U2AF1L4: variants seen among roughly 807,000 people sequenced by gnomAD.
U2AF1L4 encodes the protein splicing factor U2AF 26 kDa subunit.
U2AF1L4 carries 21 observed loss-of-function variants against 21.7 expected under a neutral mutation model. That is an observed-to-expected ratio of 0.97 (90% confidence interval 0.69 to 1.39). The LOEUF is 1.39. Ranked by LOEUF, U2AF1L4 falls within the 40% of genes most tolerant of loss-of-function variation. U2AF1L4 has a pLI of 0.00. For missense variants in U2AF1L4, 259 were observed against 245.7 expected, an observed-to-expected ratio of 1.05 and a Z score of -0.36; for synonymous variants, 92 against 89.7, an observed-to-expected ratio of 1.03 and a Z score of -0.15.
At chr19:35,743,322 A>C (rs1175276843) in intron 5 of U2AF1L4, 3 of 260,088 alleles carry the variant, frequency 1.2e-5, no homozygotes, top group South Asian at 9.1e-5. Flanking sequence ...GCACTGAGCC[A>C]AGACTGCGCC....
At chr19:35,745,242 C>G (rs1270984675) in intron 1 of U2AF1L4, 30 bp from the exon 2 acceptor site, 1 of 1,611,136 alleles carries the variant, frequency 6.2e-7, no homozygotes, top group African/African-American at 1.3e-5. Flanking sequence ...AAAGGTGAAC[C>G]GAGGGCCGGG....
intron 5 of U2AF1L4, chr19:35,743,129 T>C (rs1466464664): frequency 2.7e-6 from 1 of 368,330 alleles, no homozygotes. Context: ...TCCCCACACT[T>C]TGGGAGGCCG....
intron 2 of U2AF1L4, chr19:35,744,760 C>T (rs750275236): frequency 1.3e-6 from 2 of 1,524,894 alleles, no homozygotes; most frequent in South Asian, 1.2e-5. Context: ...GAGAGTGAGG[C>T]ATGAAGGTTG....
rs2146501871 is a variant in U2AF1L4, at chr19:35,742,529, G to A, written c.*190C>T. ...TGCCAAACCACAGCAAAAGCAAGTT[G>A]ATGCCGAAGTGAAACACGCAGCTTT... On this transcript the variant is annotated 3_prime_UTR_variant, in exon 6 of 6. Coordinates refer to ENST00000378975, the MANE Select transcript of U2AF1L4 (RefSeq NM_001040425.3). The A allele has an allele frequency of 1.2e-6, 2 of 1,608,100 alleles. No homozygotes were observed. The highest frequency in any genetic ancestry group is 8.5e-7 in the Non-Finnish European group (1 of 1,177,972).
intron 5 of U2AF1L4, 50 bp from the exon 6 acceptor site, chr19:35,742,853 A>G (rs745695273): frequency 7.8e-6 from 12 of 1,544,894 alleles, no homozygotes; most frequent in Non-Finnish European, 1.1e-5. Context: ...GGAGTGGTGC[A>G]GAGATCCTGC....
chr19:35,745,277 GC>G (rs746598609), intron 1 of U2AF1L4, 65 bp from the exon 2 acceptor site: 9 of 1,597,438 alleles, frequency 5.6e-6, no homozygotes, highest in Non-Finnish European at 7.7e-6. Context: ...CAGAAACACC[GC>G]CCCACCACCC....
chr19:35,743,686 CAAAAAAAAA>C (rs36076889), intron 5 of U2AF1L4, 114 bp downstream of exon 5: 3 of 495,194 alleles, frequency 6.1e-6, no homozygotes, highest in African/African-American at 3.8e-5. Flanking sequence ...GGCTCCATCT[CAAAAAAAAA>C]AAAAAAAAAA....
At chr19:35,742,953 A>G (rs1970337435) in intron 5 of U2AF1L4, 150 bp from the exon 6 acceptor site, 2 of 743,776 alleles carry the variant, frequency 2.7e-6, no homozygotes, top group Admixed American at 5.5e-5. Flanking sequence ...TATCAGGGGA[A>G]CTCAGTGGCC....
Position 35,744,102 on chromosome 19 carries a change from C to T in U2AF1L4, c.275G>A (p.Ser92Asn), listed in dbSNP as rs753251602. ...EDGERAVAEL[S>N]NRWFNGQAVH... ...AGCCTGCCCGTTGAACCAGCGGTTACTGAGTTCAGCCACGGCCCGCTCTCC... is the reference window on the plus strand; with the variant it reads ...AGCCTGCCCGTTGAACCAGCGGTTATTGAGTTCAGCCACGGCCCGCTCTCC... The change falls in exon 4 of 6, where the codon AGT (serine) becomes AAT (asparagine). Residue 92 changes from serine to asparagine, a missense_variant. Coordinates refer to ENST00000378975, the MANE Select transcript of U2AF1L4 (RefSeq NM_001040425.3). 8.1e-6 allele frequency: 13 copies of T among 1,613,940 alleles called. No individual in the cohort carries two copies. In the Admixed American group the frequency reaches 1.7e-4, roughly 21 times the overall value.
intron 5 of U2AF1L4, 53 bp downstream of exon 5, chr19:35,743,756 G>C (rs1849657521): frequency 6.8e-7 from 1 of 1,476,016 alleles, no homozygotes; most frequent in African/African-American, 1.4e-5. Context: ...GCTCATCTGA[G>C]GATATAGGGG....
Position 35,743,849 on chromosome 19 carries a change from T to C in U2AF1L4, c.421A>G (p.Asn141Asp). 1 of 1,613,492 alleles carries C rather than the reference T, an allele frequency of 6.2e-7. No homozygotes were observed. Residue 141 changes from asparagine (N) to aspartate (D), a missense_variant, in exon 5 of 6, where the codon AAC (asparagine) becomes GAC (aspartate). Coordinates refer to ENST00000378975, the MANE Select transcript of U2AF1L4 (RefSeq NM_001040425.3). ...NFMHLRPISQNLQRQLYGRGP... is the reference protein window; with the variant it reads ...NFMHLRPISQDLQRQLYGRGP... ...CGCCCATAGAGCTGCCTCTGGAGGT[T>C]CTGGGAAATGGGCCGCAGATGCATG...
chr19:35,745,150 A>C lies in U2AF1L4; in HGVS notation c.107T>G (p.Leu36Arg), dbSNP rs1465002976. 2 of 1,613,570 alleles carry C rather than the reference A, an allele frequency of 1.2e-6. No homozygotes were observed. Among genetic ancestry groups the C allele is most frequent in the Non-Finnish European group, 1.7e-6 (2 of 1,180,002 alleles). The change falls in exon 2 of 6, where the codon CTT becomes CGT. Residue 36 changes from leucine (L) to arginine (R), a missense_variant. Leu to Arg is a moderately radical substitution (Grantham distance 102). Transcript: ENST00000378975. ...VCRHGDRCSR[L>R]HNKPTFSQEV... ...CTGGCTGAATGTCGGCTTGTTGTGA[A>C]GCCGGGAGCACCGGTCCCCGTGCCG...
At position 35,743,825 on chromosome 19, in the gene U2AF1L4, G is replaced by C. The variant is rs749707502; in HGVS notation, c.445C>G (p.Arg149Gly). The part of the protein sequence containing the change: ...SQNLQRQLYG[R>G]GPRRRSPPRF... ...CTGAGGTACCTGCGCCTGGGTCCCC[G>C]CCCATAGAGCTGCCTCTGGAGGTTC... The change falls in exon 5 of 6, where the codon CGG (arginine) becomes GGG (glycine). Residue 149 changes from arginine to glycine, a missense_variant. Transcript: ENST00000378975. The C allele has an allele frequency of 6.2e-7, 1 of 1,611,542 alleles. No individual in the cohort carries two copies. Among genetic ancestry groups the C allele is most frequent in the Non-Finnish European group, 8.5e-7 (1 of 1,179,006 alleles).
chr19:35,742,516 G>A, downstream of U2AF1L4: 1 of 1,599,402 alleles, frequency 6.3e-7, no homozygotes, highest in Non-Finnish European at 8.5e-7. Flanking sequence ...CCAAACCACA[G>A]CAAAAGCAAG....
At chr19:35,744,201 C>A in intron 3 of U2AF1L4, 56 bp from the exon 4 acceptor site, 1 of 1,607,046 alleles carries the variant, frequency 6.2e-7, no homozygotes, top group South Asian at 1.1e-5. Context: ...TCAGGGGACT[C>A]ACTACCCGCT....
intron 5 of U2AF1L4, 193 bp from the exon 6 acceptor site, chr19:35,742,996 G>C (rs561914208): frequency 1.6e-6 from 1 of 637,206 alleles, no homozygotes; most frequent in African/African-American, 1.8e-5. Context: ...GCTGGTCGTG[G>C]ATTAGGGGTT....
chr19:35,742,978 C>T (rs1387574387), intron 5 of U2AF1L4, 175 bp from the exon 6 acceptor site: 3 of 668,280 alleles, frequency 4.5e-6, no homozygotes, highest in Non-Finnish European at 7.7e-6. Context: ...TCAGGGGTGG[C>T]AATCCAGGCT....
chr19:35,744,672 C>T, intron 2 of U2AF1L4: 1 of 1,536,188 alleles, frequency 6.5e-7, no homozygotes, highest in Non-Finnish European at 8.7e-7. Context: ...GATTCCGGTA[C>T]AGGTTGAGCA....
In U2AF1L4 at chr19:35,745,333, A is replaced by C. The variant is rs775299740; in HGVS notation, c.44+15T>G. 27 of 1,518,618 alleles carry C rather than the reference A, an allele frequency of 1.8e-5. No individual in the cohort carries two copies. In the African/African-American group the frequency reaches 3.5e-4, roughly 20 times the overall value. 94.1% of individuals were successfully genotyped at this position (1,518,618 alleles called of 1,614,324 possible). A position where few individuals can be genotyped will look rare whatever the true frequency, so the allele number is the denominator to read the frequency against. On this transcript the variant is annotated intron_variant, in intron 1 of 5. Transcript: ENST00000378975. ...CCCGACCCCCCGAGAGTCCACTCCC[A>C]GCGCCCGTTCTCACTTGTCCTTCTC...
Sources: allele counts gnomAD v4.1 joint callset, GRCh38; gene constraint gnomAD v4.1.1; transcripts MANE v1.5; gene names NCBI Gene and HGNC (gene_info 2026-07-23, HGNC 2026-07-21).